The following PCNT variants were observed in gnomAD, a reference collection of about 807,000 sequenced individuals.
The protein encoded by PCNT is kendrin.
PCNT carries 319 observed loss-of-function variants against 380.4 expected under a neutral mutation model. The observed-to-expected ratio is 0.84, with a 90% confidence interval of 0.77 to 0.92. The LOEUF is 0.92. Among genes scored for constraint, PCNT ranks in the 40% least tolerant of loss-of-function variants. The pLI, the probability that PCNT is intolerant of heterozygous loss-of-function variation, is 0.00. For synonymous variants in PCNT, 1,845 were observed against 1,735.2 expected, an observed-to-expected ratio of 1.06 and a Z score of -1.57; for missense variants, 4,400 against 4,255.3, an observed-to-expected ratio of 1.03 and a Z score of -0.95.
At chr21:46,391,530 G>A (rs2086033504) in intron 21 of PCNT, among the ~76,000 whole-genome samples, 154 bp downstream of exon 21, 1 of 152,212 alleles carries the variant, frequency 6.6e-6, no homozygotes, top group East Asian at 1.9e-4. Flanking sequence ...TGGGAAGCTT[G>A]TGCGGATCAG....
Position 46,445,347 on chromosome 21 carries a change from TC to T in PCNT, c.*22del, listed in dbSNP as rs777390900. The T allele has an allele frequency of 1.8e-4, 284 of 1,579,244 alleles. 1 individual carries two copies. The highest frequency in any genetic ancestry group is 2.3e-4 in the Non-Finnish European group (259 of 1,148,104). ...CAGTGAATAAAATGTCATGGCTCTTTCCTGCGACAATTCTATTTGAGGAAAA... is the reference window on the plus strand; with the variant it reads ...CAGTGAATAAAATGTCATGGCTCTTTCTGCGACAATTCTATTTGAGGAAAA... On this transcript the variant is annotated 3_prime_UTR_variant, in exon 47 of 47. Coordinates refer to ENST00000359568, the MANE Select transcript of PCNT (RefSeq NM_006031.6).
intron 14 of PCNT, 38 bp from the exon 15 acceptor site, chr21:46,366,546 G>A (rs1418301757): frequency 1.3e-6 from 2 of 1,553,358 alleles, no homozygotes; most frequent in Admixed American, 1.7e-5. Flanking sequence ...GCTTCCTGAT[G>A]CATGTTTAAC....
rs1356256838 is a variant in PCNT, at chr21:46,397,432, G to A, written c.4384G>A (p.Ala1462Thr). The A allele has an allele frequency of 1.9e-6, 3 of 1,614,194 alleles. No homozygotes were observed. The part of the protein sequence containing the change: ...GCAKQAEAVT[A>T]LEQQVASLDK... Reference sequence around the variant, plus strand: ...TGCCAAGCAGGCGGAGGCCGTCACTGCCCTGGAACAGCAGGTGGCATCTCT... The same window carrying A: ...TGCCAAGCAGGCGGAGGCCGTCACTACCCTGGAACAGCAGGTGGCATCTCT... The change falls in exon 22 of 47, where the codon GCC becomes ACC. Residue 1462 changes from alanine to threonine, a missense_variant. Coordinates refer to ENST00000359568, the MANE Select transcript of PCNT (RefSeq NM_006031.6).
intron 37 of PCNT, 92 bp from the exon 38 acceptor site, chr21:46,431,437 G>A: frequency 6.2e-7 from 1 of 1,605,376 alleles, no homozygotes; most frequent in South Asian, 1.1e-5. Context: ...GAATTGCTGG[G>A]CTAAAGTATA....
rs751937498 is a variant in PCNT, at chr21:46,398,042, G to A, written c.4475G>A (p.Arg1492His). ...CAGGCAGCCGAGCGGGAGCACGAGC[G>A]CGAGGAGTTCCAGCAGGAGATTCAG... Reference protein sequence around the residue: ...DEQAAEREHEREEFQQEIQRL... With the variant: ...DEQAAEREHEHEEFQQEIQRL... The change falls in exon 23 of 47, where the codon CGC becomes CAC. Residue 1492 changes from arginine to histidine, a missense_variant. Transcript: ENST00000359568. 12 of 1,592,834 alleles carry A rather than the reference G, an allele frequency of 7.5e-6. No homozygotes were observed. The highest frequency in any genetic ancestry group is 1.8e-5 in the Admixed American group (1 of 56,946).
chr21:46,339,612 C>CT (rs1184974059), intron 3 of PCNT, among the ~76,000 whole-genome samples: 3 of 152,156 alleles, frequency 2.0e-5, no homozygotes, highest in Non-Finnish European at 4.4e-5. Flanking sequence ...CCAGTCTAGT[C>CT]TAGTCCTTCC....
At chr21:46,418,530 C>T (rs2087120420) in intron 31 of PCNT, among the ~76,000 whole-genome samples, 1 of 152,246 alleles carries the variant, frequency 6.6e-6, no homozygotes, top group South Asian at 2.1e-4. Context: ...CACGCTCCAC[C>T]CTGGAATGTT....
chr21:46,432,146 C>G lies in PCNT; in HGVS notation c.8682C>G (p.Ser2894Arg), dbSNP rs768208416. 1 of 1,613,864 alleles carries G rather than the reference C, an allele frequency of 6.2e-7. No individual in the cohort carries two copies. Among genetic ancestry groups the G allele is most frequent in the East Asian group, 2.2e-5 (1 of 44,884 alleles). Reference protein sequence around the residue: ...EQEGRKAARRSAEARQSPAAA... With the variant: ...EQEGRKAARRRAEARQSPAAA... ...AAGGACGCAAGGCTGCGAGGAGGAG[C>G]GCGGAGGCCAGGCAGAGCCCAGCGG... Residue 2894 changes from serine (S) to arginine (R), a missense_variant, in exon 38 of 47, where the codon AGC becomes AGG. Physicochemically the swap from Ser to Arg is moderately radical, Grantham distance 110 (BLOSUM62 -1). Transcript: ENST00000359568.
chr21:46,386,024 A>G, intron 17 of PCNT, 41 bp downstream of exon 17: 6 of 1,611,624 alleles, frequency 3.7e-6, no homozygotes, highest in Non-Finnish European at 5.1e-6. Flanking sequence ...TGTGGCCGCC[A>G]GCACCCGCTG....
chr21:46,422,512 C>T (rs921008695), intron 32 of PCNT, among the ~76,000 whole-genome samples: 3 of 152,174 alleles, frequency 2.0e-5, no homozygotes, highest in Admixed American at 6.5e-5. Flanking sequence ...TCTCTTCAGA[C>T]GATGGGAGAG....
At chr21:46,428,627 T>G (rs1743671162) in intron 35 of PCNT, 37 bp downstream of exon 35, 1 of 1,531,232 alleles carries the variant, frequency 6.5e-7, no homozygotes, top group Non-Finnish European at 8.8e-7. Flanking sequence ...GGGCCCGGCC[T>G]CTGCACCTGC....
intron 35 of PCNT, among the ~76,000 whole-genome samples, chr21:46,429,661 T>C (rs1359972027): frequency 6.6e-6 from 1 of 152,110 alleles, no homozygotes; most frequent in Non-Finnish European, 1.5e-5. Flanking sequence ...TTCCTTAAGT[T>C]TTGGGAGAAT....
chr21:46,378,930 A>T (rs2085418442), intron 15 of PCNT, among the ~76,000 whole-genome samples: 1 of 152,074 alleles, frequency 6.6e-6, no homozygotes, highest in Non-Finnish European at 1.5e-5. Context: ...GAGGAAGAAG[A>T]ATTGTAAACA....
Position 46,435,032 on chromosome 21 carries a change from T to A in PCNT, c.8752-872T>A, listed in dbSNP as rs115999436. On this transcript the variant is annotated intron_variant, in intron 38 of 46. Coordinates refer to ENST00000359568, the MANE Select transcript of PCNT (RefSeq NM_006031.6). Reference sequence around the variant, plus strand: ...TACCACTGAATCATTCTGGGGTGTGTGATTCAGCTGCCTCCATGCTGGAGG... The same window carrying A: ...TACCACTGAATCATTCTGGGGTGTGAGATTCAGCTGCCTCCATGCTGGAGG... Among the ~76,000 whole-genome samples the A allele has an allele frequency of 1.9e-3, 288 of 152,252 alleles. 2 individuals carry two copies. The highest frequency in any genetic ancestry group is 6.7e-3 in the African/African-American group (278 of 41,548).
chr21:46,334,884 G>A, intron 3 of PCNT, 116 bp downstream of exon 3: 2 of 1,508,162 alleles, frequency 1.3e-6, no homozygotes, highest in Non-Finnish European at 1.8e-6. Context: ...TTTAGAAGTG[G>A]AAACTGGAAG....
chr21:46,362,348 AAG>A (rs1417227999), intron 13 of PCNT, among the ~76,000 whole-genome samples: 3 of 152,180 alleles, frequency 2.0e-5, no homozygotes, highest in Admixed American at 2.0e-4. Flanking sequence ...AAGCTGGAAA[AAG>A]AGAATGGCTC....
At position 46,366,650 on chromosome 21, in the gene PCNT, G is replaced by A. The variant is rs765898703; in HGVS notation, c.2676G>A (p.Glu892=). 6.2e-7 allele frequency: 1 copy of A among 1,613,966 alleles called. No homozygotes were observed. Among genetic ancestry groups the A allele is most frequent in the Non-Finnish European group, 8.5e-7 (1 of 1,179,974 alleles). The part of the protein sequence containing the change: ...FSAEQDAFLQ[E]AQEQHARELQ... ...CGGAACAAGATGCCTTCCTGCAGGA[G>A]GCCCAGGAGCAGCATGCCCGTGAGC... The change falls in exon 15 of 47, where the codon GAG becomes GAA. Residue 892 remains glutamate, a synonymous_variant. Transcript: ENST00000359568.
chr21:46,443,934 A>G lies in PCNT; in HGVS notation c.9825A>G (p.Pro3275=), dbSNP rs766386244. 6.2e-7 allele frequency: 1 copy of G among 1,612,202 alleles called. No individual in the cohort carries two copies. Among genetic ancestry groups the G allele is most frequent in the Non-Finnish European group, 8.5e-7 (1 of 1,179,902 alleles). The change falls in exon 45 of 47, where the codon CCA becomes CCG. Residue 3275 remains proline (P), a synonymous_variant. Transcript: ENST00000359568. ...GCAGACTGGCAGCAGCAGCCTCCCC[A>G]CACAGTGGGGGAAGGTCAGTGTGAT... ...RGRRLAAAAS[P]HSGGRATPSP...
Position 46,346,130 on chromosome 21 carries a change from G to A in PCNT, c.642G>A (p.Glu214=), listed in dbSNP as rs1483779736. Residue 214 remains glutamate, a splice_region_variant and synonymous_variant, in exon 4 of 47, where the codon GAG becomes GAA. Transcript: ENST00000359568. ...PAEQRGMFTK[E]CEQECELAIT... The stretch of plus-strand genomic sequence containing the variant: ...CATTCTTTGCCTTTTTTCCCCAGGA[G>A]TGTGAACAAGAATGTGAACTTGCCA... The A allele has an allele frequency of 2.5e-6, 4 of 1,614,012 alleles. No homozygotes were observed. In the African/African-American group the frequency reaches 5.3e-5, roughly 22 times the overall value.
Sources: gnomAD v4.1 joint callset for allele counts (sites outside exome capture counted in the v4.1 genomes callset) on GRCh38, gnomAD v4.1.1 for gene constraint, MANE v1.5 for transcripts, NCBI Gene and HGNC (gene_info 2026-07-23, HGNC 2026-07-21) for gene names.